The following RSRC1 variants were observed in gnomAD, a reference collection of about 807,000 sequenced individuals.
The protein encoded by RSRC1 is arginine and serine rich coiled-coil 1, also known as serine/Arginine-related protein 53.
A neutral mutation model predicts 49.1 loss-of-function variants in RSRC1; 39 were observed. The observed-to-expected ratio is 0.79, with a 90% CI of 0.61 to 1.04. RSRC1 has a LOEUF of 1.04. Ranked by LOEUF, RSRC1 falls within the 50% of genes least tolerant of loss-of-function variation. The probability of loss-of-function intolerance (pLI) is 0.00; values close to 1 mark genes in which losing one functional copy is unlikely to be tolerated. For missense variants in RSRC1, 388 were observed against 402.4 expected (o/e 0.96, Z 0.31); for synonymous variants, 143 against 130.8 (o/e 1.09, Z -0.63).
rs564160580 is a variant in RSRC1 at position 158,160,638 on chromosome 3, T to A, written c.320+36647T>A. ...GATATAAAAATAACTACTCTAAAAC[T>A]ACTTTAATGGGTGTTTACTTTGAAG... is the stretch of plus-strand genomic sequence containing the variant. On this transcript the variant is annotated intron_variant, in intron 3 of 9. Transcript: ENST00000611884. 3.9e-5 allele frequency among the ~76,000 whole-genome samples: 6 copies of A among 152,220 alleles called. No homozygotes were observed. In the South Asian group the frequency reaches 1.2e-3, roughly 31 times the overall value.
intron 4 of RSRC1, among the ~76,000 whole-genome samples, chr3:158,226,280 CCTA>C (rs779951284): frequency 6.6e-6 from 1 of 151,950 alleles, no homozygotes; most frequent in Non-Finnish European, 1.5e-5. Context: ...TTCACTTTCT[CCTA>C]CTATTCATTC....
Position 158,203,257 on chromosome 3 carries a change from C to A in RSRC1, c.494+12C>A, listed in dbSNP as rs970080576. 5 of 1,562,596 alleles carry A rather than the reference C, an allele frequency of 3.2e-6. No homozygotes were observed. The highest frequency in any genetic ancestry group is 4.7e-5 in the East Asian group (2 of 42,418). ...AACATCAAACGTGGGTAAGTTGGAG[C>A]AAATCTTATCTGGTAAGGACTTGGT... On this transcript the variant is annotated intron_variant, in intron 4 of 9. Transcript: ENST00000611884.
chr3:158,153,398 T>C (rs1192671003), intron 3 of RSRC1, among the ~76,000 whole-genome samples: 3 of 152,208 alleles, frequency 2.0e-5, no homozygotes, highest in Non-Finnish European at 2.9e-5. Context: ...AATTTTTCAT[T>C]CTTAAATAAA....
At chr3:158,459,180 A>G in intron 6 of RSRC1, among the ~76,000 whole-genome samples, 1 of 152,166 alleles carries the variant, frequency 6.6e-6, no homozygotes, top group East Asian at 1.9e-4. Context: ...ATTACATAAA[A>G]TATTTAACCA....
At chr3:158,455,372 G>C (rs551000828) in intron 6 of RSRC1, among the ~76,000 whole-genome samples, 2 of 151,862 alleles carry the variant, frequency 1.3e-5, no homozygotes, top group Non-Finnish European at 2.9e-5. Context: ...GGCATGAGTC[G>C]GACACCCTGT....
chr3:158,239,784 A>G (rs2107989589), intron 4 of RSRC1, among the ~76,000 whole-genome samples: 1 of 152,246 alleles, frequency 6.6e-6, no homozygotes. Context: ...TCTGGGTTTA[A>G]TTCTTTGGTC....
At chr3:158,449,631 T>A (rs1736909163) in intron 6 of RSRC1, among the ~76,000 whole-genome samples, 1 of 151,668 alleles carries the variant, frequency 6.6e-6, no homozygotes. Context: ...ATATATATAT[T>A]TTTATTATTA....
At chr3:158,480,933 A>G (rs6769314) in intron 7 of RSRC1, among the ~76,000 whole-genome samples, 25,001 of 151,996 alleles carry the variant, frequency 0.16, 2,115 homozygotes, top group African/African-American at 0.2. Flanking sequence ...GGGAAAGGGA[A>G]TAGTGACTCT....
intron 7 of RSRC1, among the ~76,000 whole-genome samples, chr3:158,531,928 CATATTGTTGTTT>C (rs1373270246): frequency 6.6e-6 from 1 of 151,722 alleles, no homozygotes; most frequent in African/African-American, 2.4e-5. Context: ...ACCATACAAA[CATATTGTTGTTT>C]GCTTTTTTGT....
At chr3:158,498,908 T>C (rs1017836341) in intron 7 of RSRC1, among the ~76,000 whole-genome samples, 4 of 152,232 alleles carry the variant, frequency 2.6e-5, no homozygotes, top group African/African-American at 7.2e-5. Context: ...CCGTGTTCTC[T>C]ATTCTGTTCC....
chr3:158,406,798 T>C (rs1734180544), intron 6 of RSRC1, among the ~76,000 whole-genome samples: 1 of 152,260 alleles, frequency 6.6e-6, no homozygotes, highest in African/African-American at 2.4e-5. Context: ...TTATTGACTT[T>C]GATCTGGTTT....
intron 4 of RSRC1, among the ~76,000 whole-genome samples, chr3:158,210,741 G>C (rs1449717311): frequency 6.6e-6 from 1 of 151,914 alleles, no homozygotes; most frequent in East Asian, 1.9e-4. Flanking sequence ...TTTTAGAAAA[G>C]ATGAGGTCAA....
At chr3:158,207,979 C>T (rs1721443645) in intron 4 of RSRC1, among the ~76,000 whole-genome samples, 1 of 151,952 alleles carries the variant, frequency 6.6e-6, no homozygotes, top group African/African-American at 2.4e-5. Flanking sequence ...CATAAATTGG[C>T]CTGCTAATTT....
Position 158,355,078 on chromosome 3 carries a change from C to T in RSRC1, c.583+170C>T, listed in dbSNP as rs555687044. On this transcript the variant is annotated intron_variant, in intron 6 of 9. Coordinates refer to ENST00000611884, the MANE Select transcript of RSRC1 (RefSeq NM_001271838.2). ...ATATATTATCTGAAATATTTATTGC[C>T]GCAGTATAATGCTAAGTGTATTGCT... 1.1e-3 allele frequency: 503 copies of T among 452,698 alleles called. 6 individuals are homozygous for T. The East Asian group carries it at 0.018, about 16-fold the overall frequency. 28.0% of individuals were successfully genotyped at this position (452,698 alleles called of 1,614,324 possible). A position where few individuals can be genotyped will look rare whatever the true frequency, so the allele number is the denominator to read the frequency against.
At chr3:158,134,403 A>G (rs897363448) in intron 3 of RSRC1, among the ~76,000 whole-genome samples, 2 of 152,200 alleles carry the variant, frequency 1.3e-5, no homozygotes, top group African/African-American at 4.8e-5. Context: ...ATAGAATAAT[A>G]GTATTCAGAG....
intron 4 of RSRC1, among the ~76,000 whole-genome samples, chr3:158,239,152 C>T (rs1021502759): frequency 1.3e-5 from 2 of 152,102 alleles, no homozygotes; most frequent in African/African-American, 2.4e-5. Flanking sequence ...AAATCAAAAC[C>T]GCAATGAGAT....
chr3:158,466,262 T>A (rs1284586620), intron 7 of RSRC1, among the ~76,000 whole-genome samples: 1 of 152,212 alleles, frequency 6.6e-6, no homozygotes, highest in African/African-American at 2.4e-5. Context: ...CTTTATGGAA[T>A]TGGAAGCCAA....
intron 4 of RSRC1, among the ~76,000 whole-genome samples, chr3:158,270,307 T>G (rs926490330): frequency 1.3e-5 from 2 of 152,112 alleles, no homozygotes; most frequent in African/African-American, 2.4e-5. Flanking sequence ...GATCAAACAT[T>G]TCTACCTCCC....
intron 7 of RSRC1, among the ~76,000 whole-genome samples, chr3:158,470,357 C>CATATATATAT (rs1397429366): frequency 1.1e-4 from 14 of 128,800 alleles, no homozygotes; most frequent in African/African-American, 4.5e-4. Context: ...CACACACACA[C>CATATATATAT]ACACATATAT....
Sources: allele counts gnomAD v4.1 joint callset (sites outside exome capture counted in the v4.1 genomes callset), GRCh38; gene constraint gnomAD v4.1.1; transcripts MANE v1.5; gene names NCBI Gene and HGNC (gene_info 2026-07-23, HGNC 2026-07-21).